Variants in UTRN observed in about 807,000 individuals in gnomAD.
UTRN encodes dystrophin-related protein 1.
In UTRN, 283 loss-of-function variants were observed where a neutral mutation model predicts 463.9. The observed-to-expected ratio is 0.61, with a 90% CI of 0.55 to 0.67. The LOEUF is 0.67. Among genes scored for constraint, UTRN ranks in the 30% least tolerant of loss-of-function variants. The pLI is 0.00. For missense variants in UTRN, 3,922 were observed against 4,084.3 expected, an observed-to-expected ratio of 0.96 and a Z score of 1.08; for synonymous variants, 1,442 against 1,431.5, an observed-to-expected ratio of 1.01 and a Z score of -0.17.
chr6:144,360,032 T>TTTCCCTTCCCTTCCCTTCCCTTCCC (rs1340009283), intron 2 of UTRN, among the ~76,000 whole-genome samples: 3 of 78,796 alleles, frequency 3.8e-5, no homozygotes, highest in African/African-American at 1.2e-4. Context: ...TCTTTTCTTT[T>TTTCCCTTCCCTTCCCTTCCCTTCCC]TTCCCTTCCC....
At chr6:144,786,331 G>A (rs1416743879) in intron 61 of UTRN, among the ~76,000 whole-genome samples, 2 of 152,158 alleles carry the variant, frequency 1.3e-5, no homozygotes, top group Non-Finnish European at 2.9e-5. Flanking sequence ...CTGTCGCCAG[G>A]CTGGAGTGCA....
At chr6:144,539,846 C>T (rs796610783) in intron 45 of UTRN, among the ~76,000 whole-genome samples, 17 of 152,018 alleles carry the variant, frequency 1.1e-4, no homozygotes, top group African/African-American at 3.9e-4. Flanking sequence ...AGTTTGAGAC[C>T]AGCCTGGCCA....
At position 144,330,812 on chromosome 6, in the gene UTRN, C is replaced by T. The variant is rs763331529; in HGVS notation, c.79+38905C>T. ...AGTTGGGGAGGAACTCATCTATCCACGGTTCCCATACTGTTTGGCCCTGTT... is the reference window on the plus strand; with the variant it reads ...AGTTGGGGAGGAACTCATCTATCCATGGTTCCCATACTGTTTGGCCCTGTT... On this transcript the variant is annotated intron_variant, in intron 2 of 74. Coordinates refer to ENST00000367545, the MANE Select transcript of UTRN (RefSeq NM_007124.3). The T allele has an allele frequency of 4.9e-5, 48 of 985,252 alleles. No individual in the cohort carries two copies. In the Middle Eastern group the frequency reaches 2.1e-3, roughly 42 times the overall value. The allele number at this position is 985,252 out of a possible 1,614,324, so 61.0% of individuals were successfully genotyped here.
intron 66 of UTRN, among the ~76,000 whole-genome samples, chr6:144,824,769 G>T (rs567820086): frequency 1.6e-5 from 2 of 125,878 alleles, no homozygotes; most frequent in African/African-American, 6.0e-5. Context: ...TGTGAAGTTG[G>T]TGGTGGGGGG....
At chr6:144,788,785 A>G (rs2128742196) in intron 61 of UTRN, among the ~76,000 whole-genome samples, 1 of 152,132 alleles carries the variant, frequency 6.6e-6, no homozygotes, top group South Asian at 2.1e-4. Flanking sequence ...CTGGTCTCGA[A>G]CTCCTGACCT....
At chr6:144,756,403 A>C (rs1791989675) in intron 57 of UTRN, among the ~76,000 whole-genome samples, 1 of 152,202 alleles carries the variant, frequency 6.6e-6, no homozygotes, top group Non-Finnish European at 1.5e-5. Context: ...GTAAAAGTCA[A>C]ATACATGGCC....
intron 50 of UTRN, among the ~76,000 whole-genome samples, chr6:144,569,386 A>G (rs2128621142): frequency 6.6e-6 from 1 of 152,260 alleles, no homozygotes; most frequent in Admixed American, 6.5e-5. Context: ...TATGCATTAA[A>G]AAAAAATTCC....
In UTRN at chr6:144,426,468, T is replaced by C; in HGVS notation, c.578+9T>C. 1 of 1,612,270 alleles carries C rather than the reference T, an allele frequency of 6.2e-7. No homozygotes were observed. ...GTCCTCCACCGACATAAGTGAGACA[T>C]TACTCTATCTAGAAGTGGGCTTTAC... On this transcript the variant is annotated intron_variant, in intron 7 of 74. Transcript: ENST00000367545.
intron 50 of UTRN, among the ~76,000 whole-genome samples, chr6:144,566,372 T>G (rs531807529): frequency 3.3e-5 from 5 of 152,132 alleles, no homozygotes; most frequent in Admixed American, 2.0e-4. Flanking sequence ...TTTATATTAT[T>G]AAATGTAAGG....
At chr6:144,419,909 A>C (rs1425385222) in intron 3 of UTRN, among the ~76,000 whole-genome samples, 4 of 151,996 alleles carry the variant, frequency 2.6e-5, no homozygotes, top group African/African-American at 9.7e-5. Flanking sequence ...GAAATATGGA[A>C]TCTTTATTCA....
chr6:144,758,624 A>G (rs898181568), intron 58 of UTRN, among the ~76,000 whole-genome samples: 1 of 152,132 alleles, frequency 6.6e-6, no homozygotes, highest in African/African-American at 2.4e-5. Context: ...GACATTTTAT[A>G]AGTTTTGTAT....
At chr6:144,423,903 T>C in intron 5 of UTRN, 83 bp from the exon 6 acceptor site, 1 of 1,379,222 alleles carries the variant, frequency 7.3e-7, no homozygotes, top group Non-Finnish European at 1.0e-6. Flanking sequence ...GCTGTCCAAA[T>C]GTGCTAAAAT....
intron 60 of UTRN, among the ~76,000 whole-genome samples, chr6:144,781,672 C>G (rs1202629445): frequency 6.6e-6 from 1 of 151,928 alleles, no homozygotes; most frequent in African/African-American, 2.4e-5. Flanking sequence ...AATTAATATT[C>G]CAAAGAGCAA....
chr6:144,303,867 T>C (rs943211114), intron 2 of UTRN, among the ~76,000 whole-genome samples: 3 of 152,230 alleles, frequency 2.0e-5, no homozygotes, highest in Non-Finnish European at 4.4e-5. Flanking sequence ...AGTAGTCTAA[T>C]GTGATGCTGT....
chr6:144,462,598 A>G (rs1055241264), intron 22 of UTRN, 56 bp from the exon 23 acceptor site: 103 of 1,479,334 alleles, frequency 7.0e-5, no homozygotes, highest in Non-Finnish European at 8.8e-5. Context: ...CCATTTTACT[A>G]TATCTGTGCA....
intron 17 of UTRN, among the ~76,000 whole-genome samples, chr6:144,450,109 C>T (rs922989523): frequency 3.3e-5 from 5 of 152,110 alleles, no homozygotes; most frequent in Non-Finnish European, 7.4e-5. Context: ...CCCACTGTTA[C>T]TATCTTAGTT....
At chr6:144,539,042 G>A (rs1001202282) in intron 44 of UTRN, among the ~76,000 whole-genome samples, 7 of 152,042 alleles carry the variant, frequency 4.6e-5, no homozygotes, top group East Asian at 1.9e-4. Context: ...TATATGACCC[G>A]GTTAAGAGAC....
chr6:144,427,222 TCTTTA>T (rs1330383872), intron 7 of UTRN, among the ~76,000 whole-genome samples: 2 of 152,160 alleles, frequency 1.3e-5, no homozygotes, highest in Non-Finnish European at 2.9e-5. Context: ...ATGTATTGGA[TCTTTA>T]CTTCACCACA....
Position 144,516,830 on chromosome 6 carries a change from A to T in UTRN, c.5423A>T (p.Gln1808Leu). 2 of 1,496,286 alleles carry T rather than the reference A, an allele frequency of 1.3e-6. No individual in the cohort carries two copies. Among genetic ancestry groups the T allele is most frequent in the South Asian group, 2.8e-5 (2 of 70,626 alleles). The allele number at this position is 1,496,286 out of a possible 1,614,324, so 92.7% of individuals were successfully genotyped here. A position where few individuals can be genotyped will look rare whatever the true frequency, so the allele number is the denominator to read the frequency against. The change falls in exon 39 of 75, where the codon CAG (glutamine) becomes CTG (leucine). Residue 1808 changes from glutamine (Q) to leucine (L), a missense_variant. Around this residue, in one of 3 missense-constraint regions of UTRN, gnomAD observed 2,349 missense variants for 2,303.8 expected, o/e 1.02. Transcript: ENST00000367545. ...EDEKMDEESA[Q>L]IEEVLQRGEE... ...ATTTAGATGGATGAGGAGAGTGCCC[A>T]GATTGAGGAAGTTCTACAAAGAGGA...
Sources: allele counts gnomAD v4.1 joint callset (sites outside exome capture counted in the v4.1 genomes callset), GRCh38; gene constraint gnomAD v4.1.1; regional missense constraint gnomAD v4.1.1; transcripts MANE v1.5; gene names NCBI Gene and HGNC (gene_info 2026-07-23, HGNC 2026-07-21).